Variants in GFOD1 observed in about 807,000 individuals in gnomAD.
GFOD1 encodes glucose-fructose oxidoreductase domain-containing protein 1.
Under a neutral mutation model 25.4 loss-of-function variants are expected in GFOD1, and 9 were observed. The observed-to-expected ratio is 0.35, with a 90% confidence interval of 0.21 to 0.62. The LOEUF is 0.62. Ranked by LOEUF, GFOD1 falls within the 20% of genes least tolerant of loss-of-function variation. The probability of loss-of-function intolerance (pLI) is 0.72; values close to 1 mark genes in which losing one functional copy is unlikely to be tolerated. For missense variants in GFOD1, 403 were observed against 556.9 expected (o/e 0.72, Z 2.78); for synonymous variants, 253 against 245.6 (o/e 1.03, Z -0.28).
intron 1 of GFOD1, among the ~76,000 whole-genome samples, chr6:13,402,740 T>C (rs1173811887): frequency 2.0e-5 from 3 of 152,218 alleles, no homozygotes; most frequent in Non-Finnish European, 4.4e-5. Flanking sequence ...GAATGTACAA[T>C]GGTGTAGCCA....
intron 1 of GFOD1, among the ~76,000 whole-genome samples, chr6:13,372,870 G>A (rs1785178231): frequency 6.6e-6 from 1 of 152,200 alleles, no homozygotes. Context: ...TTCCACTTGT[G>A]TTGACAGCCC....
At chr6:13,401,860 T>G (rs576367143) in intron 1 of GFOD1, among the ~76,000 whole-genome samples, 2 of 152,178 alleles carry the variant, frequency 1.3e-5, no homozygotes, top group Non-Finnish European at 2.9e-5. Context: ...GATCCCAGAA[T>G]AGCAAATGTT....
rs988671772 is a variant in GFOD1 at position 13,436,889 on chromosome 6, A to G, written c.253+49749T>C. Among the ~76,000 whole-genome samples, 4 of 152,328 alleles carry G rather than the reference A, an allele frequency of 2.6e-5. No individual in the cohort carries two copies. In the East Asian group the frequency reaches 7.7e-4, roughly 29 times the overall value. ...AGATCATTTTATGTGACATTCTATC[A>G]AAGGCACTGTGTTCATTCAGAACTC... On this transcript the variant is annotated intron_variant, in intron 1 of 1. Transcript: ENST00000379287.
Position 13,374,530 on chromosome 6 carries a change from T to G in GFOD1, c.254-8868A>C, listed in dbSNP as rs1218360163. ...CATGTTGGCCAGGCTGGTCTTGAAC[T>G]CCTGACCTCAAGTGATCTGCCTGTC... is the stretch of plus-strand genomic sequence containing the variant. On this transcript the variant is annotated intron_variant, in intron 1 of 1. Transcript: ENST00000379287. Among the ~76,000 whole-genome samples, 4 of 151,940 alleles carry G rather than the reference T, an allele frequency of 2.6e-5. No individual in the cohort carries two copies. In the East Asian group the frequency reaches 7.7e-4, roughly 29 times the overall value.
chr6:13,432,353 A>G (rs1757764347), intron 1 of GFOD1, among the ~76,000 whole-genome samples: 1 of 151,394 alleles, frequency 6.6e-6, no homozygotes, highest in Non-Finnish European at 1.5e-5. Flanking sequence ...AGCTGGGACC[A>G]CAGGCATGCA....
chr6:13,378,683 C>T (rs529877951), intron 1 of GFOD1, among the ~76,000 whole-genome samples: 1 of 152,146 alleles, frequency 6.6e-6, no homozygotes. Context: ...CTCATCTCAG[C>T]CAAAGGAACC....
At chr6:13,415,596 G>T (rs487607) in intron 1 of GFOD1, among the ~76,000 whole-genome samples, 110,025 of 152,066 alleles carry the variant, frequency 0.72, 40,409 homozygotes, top group South Asian at 0.85. Flanking sequence ...CCTGAGTCAG[G>T]GGGATGTTTG....
intron 1 of GFOD1, among the ~76,000 whole-genome samples, chr6:13,484,552 T>A (rs1758823025): frequency 6.6e-6 from 1 of 152,196 alleles, no homozygotes; most frequent in Admixed American, 6.5e-5. Context: ...CAAAACCCTA[T>A]TCTGTCATCA....
rs1784969695 is a variant in GFOD1 at position 13,362,941 on chromosome 6, A to C, written c.*1802T>G. The C allele has an allele frequency of 6.6e-6, 1 of 152,206 alleles. No individual in the cohort carries two copies. The highest frequency in any genetic ancestry group is 6.5e-5 in the Admixed American group (1 of 15,284). The allele number at this position is 152,206 out of a possible 1,614,324, so 9.4% of individuals were successfully genotyped here. The stretch of plus-strand genomic sequence containing the variant: ...TTCCCTTCTAGTTCCAATGGCAGCT[A>C]TCTGAAAAGAACTCTAAACCTCAGT... On this transcript the variant is annotated 3_prime_UTR_variant, in exon 2 of 2. Coordinates refer to ENST00000379287, the MANE Select transcript of GFOD1 (RefSeq NM_018988.4).
intron 1 of GFOD1, among the ~76,000 whole-genome samples, chr6:13,424,853 A>C (rs1226659325): frequency 3.3e-5 from 5 of 152,166 alleles, no homozygotes; most frequent in African/African-American, 1.2e-4. Context: ...TATAAACATT[A>C]TAATAATAAC....
intron 1 of GFOD1, among the ~76,000 whole-genome samples, chr6:13,391,511 C>A (rs150406260): frequency 2.9e-3 from 320 of 108,614 alleles, no homozygotes; most frequent in Middle Eastern, 0.01. Flanking sequence ...AACAAACAAA[C>A]AAAAAAAAAA....
chr6:13,413,516 C>A (rs1425799656), intron 1 of GFOD1, among the ~76,000 whole-genome samples: 1 of 152,212 alleles, frequency 6.6e-6, no homozygotes, highest in Non-Finnish European at 1.5e-5. Context: ...GCATTCAGCT[C>A]TAGAAGGGCA....
At chr6:13,421,985 T>G (rs199565951) in intron 1 of GFOD1, among the ~76,000 whole-genome samples, 1 of 152,172 alleles carries the variant, frequency 6.6e-6, no homozygotes, top group Non-Finnish European at 1.5e-5. Context: ...CATAATTCCT[T>G]TGGGGGAGAA....
intron 1 of GFOD1, among the ~76,000 whole-genome samples, chr6:13,418,210 C>T (rs1006702799): frequency 6.6e-6 from 1 of 152,168 alleles, no homozygotes; most frequent in African/African-American, 2.4e-5. Flanking sequence ...ACCGAAGCCA[C>T]TGCAGGGGAC....
At chr6:13,367,700 G>C (rs981744782) in intron 1 of GFOD1, among the ~76,000 whole-genome samples, 1 of 150,974 alleles carries the variant, frequency 6.6e-6, no homozygotes, top group Non-Finnish European at 1.5e-5. Flanking sequence ...TGGAAGCCAA[G>C]AGTCAGGGAA....
At chr6:13,401,593 A>C (rs1206754448) in intron 1 of GFOD1, among the ~76,000 whole-genome samples, 4 of 152,240 alleles carry the variant, frequency 2.6e-5, no homozygotes, top group Non-Finnish European at 5.9e-5. Context: ...AACAGTATCA[A>C]ACAGAATACT....
At chr6:13,425,099 C>T (rs1562215094) in intron 1 of GFOD1, among the ~76,000 whole-genome samples, 1 of 151,826 alleles carries the variant, frequency 6.6e-6, no homozygotes, top group East Asian at 1.9e-4. Context: ...GTTGAGACCA[C>T]AGGCACATGC....
At chr6:13,423,214 C>T (rs1786290717) in intron 1 of GFOD1, among the ~76,000 whole-genome samples, 1 of 138,352 alleles carries the variant, frequency 7.2e-6, no homozygotes, top group African/African-American at 3.5e-5. Flanking sequence ...TAGACAGTCC[C>T]CTACTTAAGA....
At chr6:13,433,164 G>T (rs1207488089) in intron 1 of GFOD1, among the ~76,000 whole-genome samples, 2 of 143,998 alleles carry the variant, frequency 1.4e-5, no homozygotes, top group African/African-American at 2.6e-5. Context: ...TTGTCACTCA[G>T]GCTGGAGTGC....
Sources: allele counts gnomAD v4.1 joint callset (sites outside exome capture counted in the v4.1 genomes callset), GRCh38; gene constraint gnomAD v4.1.1; transcripts MANE v1.5; gene names NCBI Gene and HGNC (gene_info 2026-07-23, HGNC 2026-07-21).